Variants in ACTR3C observed in about 807,000 individuals in gnomAD.
ACTR3C encodes actin-related protein 3C.
A neutral mutation model predicts 26.3 loss-of-function variants in ACTR3C; 18 were observed. The ratio of observed to expected loss-of-function variants is 0.68; its 90% CI spans 0.47 to 1.01. ACTR3C has a LOEUF of 1.01. Ranked by LOEUF, ACTR3C falls within the 50% of genes least tolerant of loss-of-function variation. ACTR3C has a pLI of 0.00. For missense variants in ACTR3C, 184 were observed against 250.7 expected (o/e 0.73, Z 1.80); for synonymous variants, 55 against 94.5 (o/e 0.58, Z 2.42).
the ACTR3C span, among the ~76,000 whole-genome samples, chr7:150,161,256 G>A: frequency 2.7e-4 from 33 of 123,518 alleles, no homozygotes; most frequent in African/African-American, 1.1e-3. Flanking sequence ...GGGTACATGT[G>A]CACAACATGC....
the ACTR3C span, among the ~76,000 whole-genome samples, chr7:149,969,269 CTGTGTGTGTGTGTGTG>C: frequency 6.2e-3 from 880 of 141,530 alleles, 6 homozygotes; most frequent in African/African-American, 0.013. Flanking sequence ...TCAGAAAGAG[CTGTGTGTGTGTGTGTG>C]TGTGTGTGTG....
At chr7:149,984,020 G>T in the ACTR3C span, among the ~76,000 whole-genome samples, 23,227 of 151,972 alleles carry the variant, frequency 0.15, 3,521 homozygotes, top group African/African-American at 0.39. Flanking sequence ...AATGAAATAA[G>T]TTCTAGATAT....
chr7:150,286,687 C>T, intron 4 of ACTR3C, 147 bp from the exon 5 acceptor site: 1 of 1,013,832 alleles, frequency 9.9e-7, no homozygotes, highest in East Asian at 2.7e-5. Flanking sequence ...ATGCATCAAG[C>T]CTCACATTCC....
the ACTR3C span, among the ~76,000 whole-genome samples, chr7:150,135,887 GA>G: frequency 2.2e-3 from 329 of 152,208 alleles, 4 homozygotes; most frequent in Middle Eastern, 0.017. Flanking sequence ...GAAAAGAAAA[GA>G]AAAGGAAAGA....
the ACTR3C span, among the ~76,000 whole-genome samples, chr7:149,935,497 G>C: frequency 6.7e-6 from 1 of 149,714 alleles, no homozygotes; most frequent in Admixed American, 6.7e-5. Flanking sequence ...TGCCTCCTGG[G>C]TTCAAGCGAT....
At chr7:150,219,903 C>G in the ACTR3C span, among the ~76,000 whole-genome samples, 39 of 145,052 alleles carry the variant, frequency 2.7e-4, 6 homozygotes, top group African/African-American at 1.0e-3. Context: ...CTCCCAACGC[C>G]GACCTCTTCT....
chr7:150,056,560 C>T, the ACTR3C span, among the ~76,000 whole-genome samples: 1 of 152,184 alleles, frequency 6.6e-6, no homozygotes, highest in South Asian at 2.1e-4. Context: ...AGAGGTACCA[C>T]CGAAATTGCC....
At chr7:150,083,694 C>T in the ACTR3C span, among the ~76,000 whole-genome samples, 3 of 152,364 alleles carry the variant, frequency 2.0e-5, no homozygotes, top group South Asian at 6.2e-4. Context: ...CTCTGATGCT[C>T]TTGGCTTCAC....
At chr7:149,949,268 C>T in the ACTR3C span, among the ~76,000 whole-genome samples, 1 of 146,288 alleles carries the variant, frequency 6.8e-6, no homozygotes, top group South Asian at 2.1e-4. Context: ...CCCAGCTACT[C>T]AGGAGGCTGA....
At chr7:150,103,719 C>T in the ACTR3C span, among the ~76,000 whole-genome samples, 2 of 151,866 alleles carry the variant, frequency 1.3e-5, no homozygotes, top group Non-Finnish European at 2.9e-5. Context: ...ATTGCCTTGT[C>T]ATTTATTTTA....
chr7:150,240,651 AAAC>A (rs768808062), downstream of ACTR3C, among the ~76,000 whole-genome samples: 2 of 152,318 alleles, frequency 1.3e-5, no homozygotes, highest in Admixed American at 6.5e-5. Flanking sequence ...ATTAACAGAT[AAAC>A]AACAACAAAA....
downstream of ACTR3C, among the ~76,000 whole-genome samples, chr7:150,240,541 C>A (rs1384332026): frequency 1.3e-5 from 2 of 152,028 alleles, no homozygotes; most frequent in Non-Finnish European, 2.9e-5. Context: ...TGTAACAAAC[C>A]TACACATTCT....
chr7:149,911,081 C>T, the ACTR3C span, among the ~76,000 whole-genome samples: 1 of 152,146 alleles, frequency 6.6e-6, no homozygotes, highest in South Asian at 2.1e-4. Context: ...GGGGTTCCAC[C>T]TACAAGGTAG....
chr7:150,220,957 C>A, the ACTR3C span, among the ~76,000 whole-genome samples: 1 of 152,286 alleles, frequency 6.6e-6, no homozygotes, highest in Non-Finnish European at 1.5e-5. Flanking sequence ...AGGGCTCCAG[C>A]CGCCAAATCT....
At chr7:149,889,949 A>G in the ACTR3C span, among the ~76,000 whole-genome samples, 1 of 152,228 alleles carries the variant, frequency 6.6e-6, no homozygotes, top group Non-Finnish European at 1.5e-5. Flanking sequence ...CGCAGTGGCC[A>G]TACTTGGCAA....
the ACTR3C span, among the ~76,000 whole-genome samples, chr7:150,114,851 T>C: frequency 0.5 from 75,073 of 151,458 alleles, 19,824 homozygotes; most frequent in African/African-American, 0.7. Context: ...ATTACTCAGA[T>C]GCCTAGAAGT....
At chr7:150,000,164 T>C in the ACTR3C span, among the ~76,000 whole-genome samples, 1 of 152,148 alleles carries the variant, frequency 6.6e-6, no homozygotes, top group East Asian at 1.9e-4. Flanking sequence ...GAGATTTTCT[T>C]ACATAATAAA....
the ACTR3C span, among the ~76,000 whole-genome samples, chr7:150,197,523 T>C: frequency 6.6e-6 from 1 of 152,324 alleles, no homozygotes; most frequent in African/African-American, 2.4e-5. Flanking sequence ...TGGCTTTTTT[T>C]CTCCTGTTTT....
intron 6 of ACTR3C, among the ~76,000 whole-genome samples, chr7:150,249,825 C>T: frequency 6.6e-6 from 1 of 152,162 alleles, no homozygotes; most frequent in Non-Finnish European, 1.5e-5. Context: ...TGATGGGATG[C>T]TCAATGCATG....
Sources: gnomAD v4.1 joint callset for allele counts (sites outside exome capture counted in the v4.1 genomes callset) on GRCh38, gnomAD v4.1.1 for gene constraint, MANE v1.5 for transcripts, NCBI Gene and HGNC (gene_info 2026-07-23, HGNC 2026-07-21) for gene names.